The following SLC43A2 variants were observed in gnomAD, a reference collection of about 807,000 sequenced individuals.
SLC43A2 encodes the protein large neutral amino acids transporter small subunit 4.
In SLC43A2, 38 loss-of-function variants were observed where a neutral mutation model predicts 63.2. The ratio of observed to expected loss-of-function variants is 0.60; its 90% CI spans 0.46 to 0.79. The LOEUF (loss-of-function observed/expected upper bound fraction) is 0.79. Ranked by LOEUF, SLC43A2 falls within the 30% of genes least tolerant of loss-of-function variation. SLC43A2 has a pLI of 0.00. For synonymous variants in SLC43A2, 322 were observed against 331.0 expected (o/e 0.97, Z 0.30); for missense variants, 644 against 756.2 (o/e 0.85, Z 1.74).
upstream of SLC43A2, among the ~76,000 whole-genome samples, chr17:1,629,058 G>T (rs1459718552): frequency 2.0e-5 from 3 of 151,996 alleles, no homozygotes; most frequent in South Asian, 2.1e-4. Context: ...CGGCTTTGCA[G>T]CCTTCAACCC....
Position 1,573,549 on chromosome 17 carries a change from C to T in SLC43A2, c.*2055G>A, listed in dbSNP as rs2075877584. 1 of 152,226 alleles carries T rather than the reference C, an allele frequency of 6.6e-6. No homozygotes were observed. Among genetic ancestry groups the T allele is most frequent in the African/African-American group, 2.4e-5 (1 of 41,454 alleles). The allele number at this position is 152,226 out of a possible 1,614,324, so 9.4% of individuals were successfully genotyped here. Reference sequence around the variant, plus strand: ...TTCCCAAACTTGACTATAATACTTTCTTGAAAATCAGAATAACCACTAACA... The same window carrying T: ...TTCCCAAACTTGACTATAATACTTTTTTGAAAATCAGAATAACCACTAACA... On this transcript the variant is annotated 3_prime_UTR_variant, in exon 14 of 14. Coordinates refer to ENST00000301335, the MANE Select transcript of SLC43A2 (RefSeq NM_152346.3).
rs1459697828 is a variant in SLC43A2, at chr17:1,591,596, G to A, written c.698C>T (p.Pro233Leu). The A allele has an allele frequency of 1.3e-6, 2 of 1,549,520 alleles. No individual in the cohort carries two copies. Among genetic ancestry groups the A allele is most frequent in the Non-Finnish European group, 1.7e-6 (2 of 1,146,928 alleles). The change falls in exon 7 of 14, where the codon CCC becomes CTC. Residue 233 changes from proline (P) to leucine (L), a missense_variant. By Grantham distance (98) the Pro-to-Leu change is moderately conservative. This residue lies in a region of SLC43A2 where 528 missense variants were observed against 623.6 expected (regional missense o/e 0.85). Coordinates refer to ENST00000301335, the MANE Select transcript of SLC43A2 (RefSeq NM_152346.3). ...GTCCATGTCCTCCGGCCCCGGGAAGGGCTCAAGGGGCCAGTTAAAGAAGCA... is the reference window on the plus strand; with the variant it reads ...GTCCATGTCCTCCGGCCCCGGGAAGAGCTCAAGGGGCCAGTTAAAGAAGCA... ...LNCFFNWPLEPFPGPEDMDYS... is the reference protein window; with the variant it reads ...LNCFFNWPLELFPGPEDMDYS...
At chr17:1,579,138 CAA>C (rs143230532) in intron 11 of SLC43A2, among the ~76,000 whole-genome samples, 41,952 of 135,532 alleles carry the variant, frequency 0.31, 6,843 homozygotes, top group Non-Finnish European at 0.34. Context: ...GACTCTGTCT[CAA>C]AAAAAAAAAA....
At chr17:1,600,634 A>G (rs1330530111) in intron 5 of SLC43A2, among the ~76,000 whole-genome samples, 2 of 139,106 alleles carry the variant, frequency 1.4e-5, no homozygotes, top group African/African-American at 5.4e-5. Context: ...GCTCACTGCA[A>G]CCTCTGCCTC....
In SLC43A2 at chr17:1,590,964, G is replaced by A. The variant is rs762602830; in HGVS notation, c.932-16C>T. 5.2e-6 allele frequency: 8 copies of A among 1,548,750 alleles called. No homozygotes were observed. Among genetic ancestry groups the A allele is most frequent in the Non-Finnish European group, 7.0e-6 (8 of 1,146,772 alleles). On this transcript the variant is annotated splice_polypyrimidine_tract_variant and intron_variant, in intron 8 of 13. Coordinates refer to ENST00000301335, the MANE Select transcript of SLC43A2 (RefSeq NM_152346.3). The stretch of plus-strand genomic sequence containing the variant: ...GAGGGGGCCACTGCAGGGAGAGGGT[G>A]CGGGGCTCAGGGCCGGGGCACACTG...
chr17:1,594,757 T>G (rs1298743260), intron 5 of SLC43A2, among the ~76,000 whole-genome samples: 1 of 151,596 alleles, frequency 6.6e-6, no homozygotes, highest in African/African-American at 2.4e-5. Flanking sequence ...CCGGCTAATT[T>G]TTTTGTATTT....
chr17:1,617,974 C>T (rs1277179978), intron 2 of SLC43A2, among the ~76,000 whole-genome samples: 2 of 152,192 alleles, frequency 1.3e-5, no homozygotes, highest in African/African-American at 4.8e-5. Context: ...AAACAGGAGC[C>T]GACTTTGATT....
intron 5 of SLC43A2, among the ~76,000 whole-genome samples, chr17:1,600,152 A>ATATATATATATATATT (rs1216616243): frequency 1.7e-5 from 1 of 60,270 alleles, no homozygotes; most frequent in African/African-American, 5.4e-5. Flanking sequence ...ATATATATAT[A>ATATATATATATATATT]TTTTTTTTTT....
At chr17:1,604,191 CCA>C (rs59884926) in intron 5 of SLC43A2, among the ~76,000 whole-genome samples, 138,351 of 152,054 alleles carry the variant, frequency 0.91, 63,589 homozygotes, top group Non-Finnish European at 0.97. Context: ...CAGGCATGTG[CCA>C]CTACGCCACG....
chr17:1,588,137 G>T (rs1904385529), intron 9 of SLC43A2, among the ~76,000 whole-genome samples: 1 of 152,220 alleles, frequency 6.6e-6, no homozygotes, highest in South Asian at 2.1e-4. Context: ...CGTGGCTCAC[G>T]CCTGTAATCT....
chr17:1,595,661 T>TCTTG (rs1356276993), intron 5 of SLC43A2, among the ~76,000 whole-genome samples: 1 of 151,566 alleles, frequency 6.6e-6, no homozygotes, highest in Non-Finnish European at 1.5e-5. Context: ...GCCAGGCTGG[T>TCTTG]CTTGAACTCC....
intron 9 of SLC43A2, chr17:1,586,881 T>C (rs2076110014): frequency 1.3e-6 from 2 of 1,512,254 alleles, no homozygotes; most frequent in Middle Eastern, 1.7e-4. Context: ...AGCTTCTGGG[T>C]TGAACAGAGA....
chr17:1,600,386 A>AGT (rs1416413095), intron 5 of SLC43A2, among the ~76,000 whole-genome samples: 1 of 149,206 alleles, frequency 6.7e-6, no homozygotes, highest in African/African-American at 2.5e-5. Flanking sequence ...CTTGACCTCA[A>AGT]GTGATCCGCC....
At chr17:1,597,613 A>G (rs1905439637) in intron 5 of SLC43A2, among the ~76,000 whole-genome samples, 2 of 152,030 alleles carry the variant, frequency 1.3e-5, no homozygotes, top group South Asian at 4.1e-4. Flanking sequence ...CAGCCTGGCC[A>G]AAATGGTGAA....
chr17:1,575,351 A>C lies in SLC43A2; in HGVS notation c.*253T>G. 1.8e-6 allele frequency: 1 copy of C among 547,106 alleles called. No homozygotes were observed. 33.9% of individuals were successfully genotyped at this position (547,106 alleles called of 1,614,324 possible). A position where few individuals can be genotyped will look rare whatever the true frequency, so the allele number is the denominator to read the frequency against. On this transcript the variant is annotated 3_prime_UTR_variant, in exon 14 of 14. Transcript: ENST00000301335. ...CTGCTGCAGGCACCACAGAGACCCC[A>C]GGCCCCGGGTCCCCGGGGGGCGGCA...
intron 11 of SLC43A2, among the ~76,000 whole-genome samples, chr17:1,581,937 G>C (rs11871898): frequency 6.6e-6 from 1 of 150,960 alleles, no homozygotes; most frequent in African/African-American, 2.4e-5. Context: ...CTCCTGAGTA[G>C]CTGGGATTAC....
chr17:1,610,455 G>C (rs2151069645), intron 5 of SLC43A2, among the ~76,000 whole-genome samples: 1 of 147,628 alleles, frequency 6.8e-6, no homozygotes, highest in African/African-American at 2.5e-5. Context: ...AAATTGGAGA[G>C]ACAAGGTGTC....
intron 11 of SLC43A2, among the ~76,000 whole-genome samples, chr17:1,581,738 C>A (rs1361731247): frequency 6.6e-6 from 1 of 152,180 alleles, no homozygotes; most frequent in Admixed American, 6.5e-5. Context: ...GTGACAAGGG[C>A]CACCTTACTC....
At chr17:1,591,849 T>C in intron 6 of SLC43A2, 150 bp from the exon 7 acceptor site, 1 of 654,794 alleles carries the variant, frequency 1.5e-6, no homozygotes, top group Admixed American at 2.9e-5. Context: ...GCCTGGGCGT[T>C]GGGGCATCAG....
Sources: gnomAD v4.1 joint callset for allele counts (sites outside exome capture counted in the v4.1 genomes callset) on GRCh38, gnomAD v4.1.1 for gene constraint, gnomAD v4.1.1 regional missense constraint, MANE v1.5 for transcripts, NCBI Gene and HGNC (gene_info 2026-07-23, HGNC 2026-07-21) for gene names.